Variants in TENM3 observed in about 807,000 individuals in gnomAD.
The protein encoded by TENM3 is teneurin transmembrane protein 3.
In TENM3, 63 loss-of-function variants were observed where a neutral mutation model predicts 255.1. The ratio of observed to expected loss-of-function variants is 0.25; its 90% confidence interval spans 0.20 to 0.30. TENM3 has a LOEUF of 0.30. Among genes scored for constraint, TENM3 ranks in the 10% least tolerant of loss-of-function variants. The pLI, the probability that TENM3 is intolerant of heterozygous loss-of-function variation, is 1.00. For synonymous variants in TENM3, 1,306 were observed against 1,322.3 expected, an observed-to-expected ratio of 0.99 and a Z score of 0.27; for missense variants, 2,929 against 3,461.1, an observed-to-expected ratio of 0.85 and a Z score of 3.86.
At chr4:182,025,901 G>A in the TENM3 span, among the ~76,000 whole-genome samples, 7 of 152,152 alleles carry the variant, frequency 4.6e-5, no homozygotes, top group Admixed American at 2.0e-4. Context: ...AGGTAGACAT[G>A]TGCCATGTCA....
At chr4:182,239,073 G>A (rs13126418), upstream of TENM3, among the ~76,000 whole-genome samples, 245 of 105,840 alleles carry the variant, frequency 2.3e-3, 2 homozygotes, top group African/African-American at 8.3e-3. Flanking sequence ...GTGTGTGTGT[G>A]TATTTTTTTT....
chr4:182,604,889 T>G (rs1748259416), intron 4 of TENM3, among the ~76,000 whole-genome samples: 1 of 152,218 alleles, frequency 6.6e-6, no homozygotes, highest in African/African-American at 2.4e-5. Context: ...ATTAGTGCAT[T>G]TTTTATTTCA....
the TENM3 span, among the ~76,000 whole-genome samples, chr4:181,485,041 G>A: frequency 6.6e-6 from 1 of 151,968 alleles, no homozygotes; most frequent in Admixed American, 6.6e-5. Context: ...TAAAACCACA[G>A]GTGTTTTTCT....
intron 3 of TENM3, among the ~76,000 whole-genome samples, chr4:182,404,202 T>A (rs1266311053): frequency 1.5e-4 from 23 of 152,190 alleles, no homozygotes; most frequent in Admixed American, 1.5e-3. Flanking sequence ...CTTTCTCCAG[T>A]GCAGTAGGGT....
intron 12 of TENM3, among the ~76,000 whole-genome samples, chr4:182,701,210 CTTTTTTTTTTTTTTTT>C (rs35538818): frequency 2.6e-5 from 1 of 38,644 alleles, no homozygotes; most frequent in African/African-American, 1.2e-4. Flanking sequence ...CAACTCTTGA[CTTTTTTTTTTTTTTTT>C]TTTTTTTTTT....
chr4:182,237,738 A>T lies in TENM3; in HGVS notation c.-75-86208A>T, dbSNP rs557253921. 2.0e-5 allele frequency among the ~76,000 whole-genome samples: 3 copies of T among 152,354 alleles called. No individual in the cohort carries two copies. The East Asian group carries it at 5.8e-4, about 29-fold the overall frequency. ...CCATACCTGGCAATTAAACATGTTA[A>T]CATTTCTTCCATAAAACTCATGAAT... On this transcript the variant is annotated intron_variant, in intron 1 of 2. Transcript: ENST00000512480.
At chr4:181,975,327 A>T in the TENM3 span, 5 of 152,064 alleles carry the variant, frequency 3.3e-5, no homozygotes, top group East Asian at 9.7e-4. Context: ...CAGTAGAGAC[A>T]GGGTTTCGCC....
At chr4:181,630,493 T>C in the TENM3 span, among the ~76,000 whole-genome samples, 6 of 152,202 alleles carry the variant, frequency 3.9e-5, no homozygotes, top group Admixed American at 3.3e-4. Context: ...TAAATTTCCC[T>C]CTACACACTG....
intron 3 of TENM3, among the ~76,000 whole-genome samples, chr4:182,401,551 C>A (rs528467451): frequency 6.6e-6 from 1 of 152,168 alleles, no homozygotes; most frequent in Admixed American, 6.5e-5. Context: ...ATGGCACAAA[C>A]CTCCAGTCAT....
chr4:182,146,999 A>G (rs994249716), intron 1 of TENM3, among the ~76,000 whole-genome samples: 6 of 152,222 alleles, frequency 3.9e-5, no homozygotes, highest in Admixed American at 3.9e-4. Context: ...GGGTGAAGAC[A>G]AAGAAAGATA....
chr4:182,189,233 C>T (rs886632149), intron 1 of TENM3, among the ~76,000 whole-genome samples: 2 of 151,706 alleles, frequency 1.3e-5, no homozygotes, highest in Non-Finnish European at 2.9e-5. Context: ...TCTCCCGGTG[C>T]TGGAAGACTA....
chr4:181,514,694 C>A, the TENM3 span, among the ~76,000 whole-genome samples: 15 of 152,068 alleles, frequency 9.9e-5, no homozygotes, highest in African/African-American at 3.6e-4. Flanking sequence ...GTAACTATAG[C>A]AAAGTCTAAG....
chr4:181,667,082 C>G, the TENM3 span, among the ~76,000 whole-genome samples: 1 of 152,106 alleles, frequency 6.6e-6, no homozygotes, highest in Non-Finnish European at 1.5e-5. Context: ...CATTTTTGTA[C>G]AGAATTATAG....
chr4:182,642,865 T>C (rs1752430617), intron 5 of TENM3, among the ~76,000 whole-genome samples: 1 of 152,204 alleles, frequency 6.6e-6, no homozygotes, highest in Non-Finnish European at 1.5e-5. Flanking sequence ...TGATTTAAAA[T>C]AACAATATTT....
the TENM3 span, among the ~76,000 whole-genome samples, chr4:181,917,289 A>G: frequency 6.6e-6 from 1 of 152,248 alleles, no homozygotes; most frequent in Non-Finnish European, 1.5e-5. Flanking sequence ...AAAGAAAAGT[A>G]GAACAGTGTA....
intron 2 of TENM3, among the ~76,000 whole-genome samples, chr4:182,344,977 T>C (rs1168712224): frequency 2.0e-5 from 3 of 152,260 alleles, no homozygotes; most frequent in Non-Finnish European, 4.4e-5. Flanking sequence ...GCCTTCTCAC[T>C]GTTCAACGCA....
chr4:181,595,675 T>C, the TENM3 span, among the ~76,000 whole-genome samples: 2 of 152,110 alleles, frequency 1.3e-5, no homozygotes, highest in African/African-American at 4.8e-5. Flanking sequence ...CCCTACAAGA[T>C]CTGGGTCCTG....
chr4:181,985,395 T>C, the TENM3 span, among the ~76,000 whole-genome samples: 532 of 152,190 alleles, frequency 3.5e-3, 1 homozygote, highest in African/African-American at 0.01. Context: ...ACTGCTTTAC[T>C]GATATCAGGT....
chr4:181,815,221 G>C, the TENM3 span, among the ~76,000 whole-genome samples: 11,461 of 151,862 alleles, frequency 0.075, 568 homozygotes, highest in South Asian at 0.15. Context: ...GGAGGCCAAG[G>C]GGGGCGGATC....
Sources: gnomAD v4.1 joint callset for allele counts (sites outside exome capture counted in the v4.1 genomes callset) on GRCh38, gnomAD v4.1.1 for gene constraint, MANE v1.5 for transcripts, NCBI Gene and HGNC (gene_info 2026-07-23, HGNC 2026-07-21) for gene names.